Variants in AJAP1 observed in about 807,000 individuals in gnomAD.
AJAP1 encodes adherens junctions associated protein 1, also known as adherens junction-associated protein 1.
In AJAP1, 5 loss-of-function variants were observed where a neutral mutation model predicts 35.0. The ratio of observed to expected loss-of-function variants is 0.14; its 90% CI spans 0.07 to 0.30. AJAP1 has a LOEUF of 0.30. Among genes scored for constraint, AJAP1 ranks in the 10% least tolerant of loss-of-function variants. The pLI is 1.00. For synonymous variants in AJAP1, 284 were observed against 249.3 expected, an observed-to-expected ratio of 1.14 and a Z score of -1.31; for missense variants, 586 against 571.0, an observed-to-expected ratio of 1.03 and a Z score of -0.27.
intron 1 of AJAP1, among the ~76,000 whole-genome samples, chr1:4,690,720 C>G (rs922325174): frequency 6.6e-6 from 1 of 152,126 alleles, no homozygotes. Context: ...AAACAGCTGT[C>G]CCAGGCCACA....
intron 2 of AJAP1, among the ~76,000 whole-genome samples, chr1:4,768,695 T>C (rs530385899): frequency 8.3e-4 from 126 of 152,236 alleles, no homozygotes; most frequent in Non-Finnish European, 1.3e-3. Flanking sequence ...TGGAAGGACA[T>C]GGGGAGATGA....
chr1:4,665,225 A>G (rs1639089609), intron 1 of AJAP1, among the ~76,000 whole-genome samples: 1 of 152,142 alleles, frequency 6.6e-6, no homozygotes, highest in African/African-American at 2.4e-5. Flanking sequence ...CAATTATGCG[A>G]GACAAGAGTA....
chr1:4,690,673 T>A (rs1295782866), intron 1 of AJAP1, among the ~76,000 whole-genome samples: 1 of 152,162 alleles, frequency 6.6e-6, no homozygotes, highest in Non-Finnish European at 1.5e-5. Flanking sequence ...GAGACAGGCA[T>A]CTTAGTGTCC....
chr1:4,687,241 G>C (rs1280079997), intron 1 of AJAP1, among the ~76,000 whole-genome samples: 1 of 152,220 alleles, frequency 6.6e-6, no homozygotes, highest in Non-Finnish European at 1.5e-5. Context: ...AGCCACCATG[G>C]GCACTCGCTA....
intron 5 of AJAP1, among the ~76,000 whole-genome samples, chr1:4,781,609 G>A (rs990769700): frequency 1.3e-5 from 2 of 152,230 alleles, no homozygotes; most frequent in African/African-American, 2.4e-5. Flanking sequence ...ATGAGGATGC[G>A]GTAGCATTTT....
rs567858900 is a variant in AJAP1 at position 4,787,535 on chromosome 1, G to A, written c.*5050G>A. 1,163 of 382,976 alleles carry A rather than the reference G, an allele frequency of 3.0e-3. 13 individuals carry two copies. The highest frequency in any genetic ancestry group is 9.5e-3 in the Middle Eastern group (22 of 2,308). The allele number at this position is 382,976 out of a possible 1,614,324, so 23.7% of individuals were successfully genotyped here. A position where few individuals can be genotyped will look rare whatever the true frequency, so the allele number is the denominator to read the frequency against. ...AGTGCAGCACTGAAGATAAGACATC[G>A]CAGTTGTTACGACGCCTGGTTCTCC... On this transcript the variant is annotated 3_prime_UTR_variant, in exon 6 of 6. Transcript: ENST00000378191.
At chr1:4,717,189 T>C (rs1171387053) in intron 2 of AJAP1, among the ~76,000 whole-genome samples, 3 of 152,218 alleles carry the variant, frequency 2.0e-5, no homozygotes, top group African/African-American at 4.8e-5. Context: ...AAAGGAAACT[T>C]GTGGGGAATT....
chr1:4,671,740 C>T (rs1639253794), intron 1 of AJAP1, among the ~76,000 whole-genome samples: 1 of 152,196 alleles, frequency 6.6e-6, no homozygotes, highest in Admixed American at 6.5e-5. Context: ...GGTATAGGCC[C>T]ATTATTTTTC....
chr1:4,784,092 A>G lies in AJAP1; in HGVS notation c.*1607A>G, dbSNP rs1256640089. ...TTTGTCACCGAGAATCCTACTATAA[A>G]CTACCCAGTGGAAACAGGGGCCCCA... On this transcript the variant is annotated 3_prime_UTR_variant, in exon 6 of 6. Transcript: ENST00000378191. 1 of 152,104 alleles carries G rather than the reference A, an allele frequency of 6.6e-6. No homozygotes were observed. Among genetic ancestry groups the G allele is most frequent in the African/African-American group, 2.4e-5 (1 of 41,402 alleles). 9.4% of individuals were successfully genotyped at this position (152,104 alleles called of 1,614,324 possible).
chr1:4,760,061 G>A (rs1335227235), intron 2 of AJAP1, among the ~76,000 whole-genome samples: 1 of 152,200 alleles, frequency 6.6e-6, no homozygotes, highest in East Asian at 1.9e-4. Flanking sequence ...CTTCTCAAAT[G>A]ATAGCAGAAG....
At chr1:4,725,406 G>A (rs1640631491) in intron 2 of AJAP1, among the ~76,000 whole-genome samples, 1 of 152,128 alleles carries the variant, frequency 6.6e-6, no homozygotes, top group Non-Finnish European at 1.5e-5. Flanking sequence ...CTCACGGGCA[G>A]GGCTGTCGTC....
chr1:4,670,168 A>G (rs1391181295), intron 1 of AJAP1, among the ~76,000 whole-genome samples: 2 of 152,060 alleles, frequency 1.3e-5, no homozygotes, highest in African/African-American at 4.8e-5. Flanking sequence ...ATCTCATCCT[A>G]GATTGCAGAC....
chr1:4,732,617 G>T (rs1348512535), intron 2 of AJAP1, among the ~76,000 whole-genome samples: 1 of 152,250 alleles, frequency 6.6e-6, no homozygotes, highest in Non-Finnish European at 1.5e-5. Flanking sequence ...AGTGTCCCTT[G>T]TGCCAGGCCC....
chr1:4,664,582 C>T (rs968301007), intron 1 of AJAP1, among the ~76,000 whole-genome samples: 3 of 152,154 alleles, frequency 2.0e-5, no homozygotes, highest in African/African-American at 7.2e-5. Context: ...CGGTCATGCC[C>T]TTCTGCCGGG....
intron 2 of AJAP1, among the ~76,000 whole-genome samples, chr1:4,716,521 A>ATGATGGTGG (rs989885467): frequency 6.6e-6 from 1 of 151,964 alleles, no homozygotes; most frequent in African/African-American, 2.4e-5. Context: ...GACAGTGAGG[A>ATGATGGTGG]TGATGGTGGT....
intron 1 of AJAP1, among the ~76,000 whole-genome samples, chr1:4,706,995 T>C (rs748323454): frequency 2.0e-4 from 30 of 152,118 alleles, no homozygotes; most frequent in Non-Finnish European, 3.8e-4. Context: ...GGCTCGAGGC[T>C]GCTGAGAGGG....
At chr1:4,679,432 G>A (rs116483127) in intron 1 of AJAP1, among the ~76,000 whole-genome samples, 4,163 of 152,136 alleles carry the variant, frequency 0.027, 115 homozygotes, top group South Asian at 0.075. Flanking sequence ...TCTTTATTAG[G>A]GGCCTCAGAT....
chr1:4,779,960 C>T (rs1285775778), intron 5 of AJAP1, among the ~76,000 whole-genome samples: 1 of 151,852 alleles, frequency 6.6e-6, no homozygotes. Flanking sequence ...GTCTGACCAA[C>T]ATGGCGAAAC....
Position 4,734,297 on chromosome 1 carries a change from C to G in AJAP1, c.829+21598C>G, listed in dbSNP as rs1640869828. Among the ~76,000 whole-genome samples the G allele has an allele frequency of 6.6e-6, 1 of 152,180 alleles. No homozygotes were observed. Among genetic ancestry groups the G allele is most frequent in the South Asian group, 2.1e-4 (1 of 4,834 alleles). On this transcript the variant is annotated intron_variant, in intron 2 of 5. Coordinates refer to ENST00000378191, the MANE Select transcript of AJAP1 (RefSeq NM_018836.4). The surrounding 1 kb of genome is among the most constrained non-coding windows in gnomAD (Gnocchi z 4.3). ...TGCCTCACTATTAACAGCGCTGCGT[C>G]CATACTGGGAGCCAGGTTCTGACAG...
Sources: gnomAD v4.1 joint callset for allele counts (sites outside exome capture counted in the v4.1 genomes callset) on GRCh38, gnomAD v4.1.1 for gene constraint, Gnocchi (gnomAD v3.1) non-coding constraint, MANE v1.5 for transcripts, NCBI Gene and HGNC (gene_info 2026-07-23, HGNC 2026-07-21) for gene names.